The following MIAT variants were observed in gnomAD, a reference collection of about 807,000 sequenced individuals.
MIAT encodes myocardial infarction associated transcript.
At chr22:26,648,622 C>CCATAAGTAG in intron 2 of MIAT, among the ~76,000 whole-genome samples, 1 of 147,064 alleles carries the variant, frequency 6.8e-6, no homozygotes, top group South Asian at 2.2e-4. Context: ...GATACATTTT[C>CCATAAGTAG]AGGTCCTGCC....
At chr22:26,675,728 G>C (rs1931237882) in exon 5 of MIAT, 1 of 398,674 alleles carries the variant, frequency 2.5e-6, no homozygotes, top group East Asian at 3.6e-5. Flanking sequence ...ACAGTCATAG[G>C]CTGCAAGTCT....
chr22:26,665,714 G>C (rs1340052603), exon 4 of MIAT: 1 of 398,536 alleles, frequency 2.5e-6, no homozygotes, highest in Non-Finnish European at 4.4e-6. Flanking sequence ...CAAAGTGGGA[G>C]GGGAAATGGG....
chr22:26,671,441 G>A, downstream of MIAT: 1 of 398,760 alleles, frequency 2.5e-6, no homozygotes, highest in Non-Finnish European at 4.4e-6. Context: ...GCTCAGCCGG[G>A]ACGCTGTGGC....
At chr22:26,673,518 T>A (rs954806712), downstream of MIAT, 1 of 398,696 alleles carries the variant, frequency 2.5e-6, no homozygotes, top group African/African-American at 2.1e-5. Context: ...AACTCCTGCC[T>A]TCCTGGTCTG....
chr22:26,666,551 G>A (rs1930849236), exon 4 of MIAT: 1 of 398,662 alleles, frequency 2.5e-6, no homozygotes, highest in Non-Finnish European at 4.4e-6. Flanking sequence ...CTGGATTCCT[G>A]ACTCTCCGTT....
chr22:26,672,779 A>G (rs1931099811), downstream of MIAT: 1 of 398,670 alleles, frequency 2.5e-6, no homozygotes, highest in African/African-American at 2.1e-5. Flanking sequence ...CCGGAAGTCA[A>G]TGAAGCGGGT....
chr22:26,666,621 T>C, exon 4 of MIAT: 1 of 398,666 alleles, frequency 2.5e-6, no homozygotes. Flanking sequence ...CTGGGTCACA[T>C]TCTGCTGTTG....
chr22:26,675,456 G>C (rs1429334254), exon 5 of MIAT: 3 of 398,654 alleles, frequency 7.5e-6, no homozygotes, highest in Non-Finnish European at 1.3e-5. Flanking sequence ...GGCTTTTCCA[G>C]CCCAGGTGGA....
At chr22:26,654,243 A>G (rs531959297) in intron 2 of MIAT, among the ~76,000 whole-genome samples, 2 of 152,272 alleles carry the variant, frequency 1.3e-5, no homozygotes, top group South Asian at 2.1e-4. Flanking sequence ...TTTGATTATA[A>G]TATCTCTAGA....
intron 2 of MIAT, chr22:26,657,266 C>T (rs1439237371): frequency 5.3e-6 from 2 of 375,012 alleles, no homozygotes; most frequent in Non-Finnish European, 9.5e-6. Context: ...GCGCACCGGC[C>T]AGCTAGCCCC....
At chr22:26,667,433 CGTGT>C (rs1173503890) in intron 5 of MIAT, 1 of 317,574 alleles carries the variant, frequency 3.1e-6, no homozygotes, top group African/African-American at 2.3e-5. Flanking sequence ...TGTATGCGCG[CGTGT>C]GTGTGTATGT....
chr22:26,667,176 T>G, intron 4 of MIAT: 1 of 398,656 alleles, frequency 2.5e-6, no homozygotes, highest in Non-Finnish European at 4.4e-6. Context: ...AGCAAGTCCC[T>G]TCATTCAGCA....
chr22:26,667,347 T>TGTGTGTGTGTGTGTGTGTGTGC, intron 5 of MIAT: 1 of 397,270 alleles, frequency 2.5e-6, no homozygotes, highest in Admixed American at 4.4e-5. Context: ...TGTGTGTGTG[T>TGTGTGTGTGTGTGTGTGTGTGC]GTGTGTGCGT....
chr22:26,656,605 G>T (rs1364993354), intron 2 of MIAT, among the ~76,000 whole-genome samples: 1 of 152,130 alleles, frequency 6.6e-6, no homozygotes, highest in East Asian at 1.9e-4. Flanking sequence ...GGGGTGAGCC[G>T]CCGCGCCTGG....
intron 2 of MIAT, among the ~76,000 whole-genome samples, chr22:26,656,425 A>G (rs1930456465): frequency 6.7e-6 from 1 of 149,084 alleles, no homozygotes; most frequent in Non-Finnish European, 1.5e-5. Context: ...CCCGGGTTCG[A>G]GTGATTCTAG....
chr22:26,661,961 T>TATATATAC (rs1336346956), intron 2 of MIAT, among the ~76,000 whole-genome samples: 47 of 43,784 alleles, frequency 1.1e-3, no homozygotes, highest in Middle Eastern at 0.025. Flanking sequence ...TATATATATA[T>TATATATAC]ACACACACAC....
downstream of MIAT, chr22:26,672,847 G>A (rs1334457891): frequency 5.0e-6 from 2 of 398,476 alleles, no homozygotes; most frequent in Non-Finnish European, 8.8e-6. Flanking sequence ...GTCGGCCAGA[G>A]AAACATTTCT....
Position 26,665,413 on chromosome 22 carries a change from G to T in MIAT, n.730-118G>T, listed in dbSNP as rs192729479. The T allele has an allele frequency of 9.3e-5, 37 of 398,482 alleles. No homozygotes were observed. In the East Asian group the frequency reaches 1.3e-3, roughly 14 times the overall value. The allele number at this position is 398,482 out of a possible 1,614,324, so 24.7% of individuals were successfully genotyped here. On this transcript the variant is annotated intron_variant and non_coding_transcript_variant, in intron 3 of 5. Coordinates refer to ENST00000643270, the Ensembl canonical transcript of MIAT. ...ACCCTCTAAGACGGTGTCAGCTAAA[G>T]GTCCCTTGAAACCTCCATCACCTTA...
At chr22:26,669,470 T>A in exon 6 of MIAT, 1 of 396,560 alleles carries the variant, frequency 2.5e-6, no homozygotes, top group Non-Finnish European at 4.4e-6. Flanking sequence ...ATGAGCAGGC[T>A]CTGGTGTCTC....
Sources: gnomAD v4.1 joint callset for allele counts (sites outside exome capture counted in the v4.1 genomes callset) on GRCh38, gnomAD v4.1.1 for gene constraint, MANE v1.5 for transcripts, NCBI Gene and HGNC (gene_info 2026-07-23, HGNC 2026-07-21) for gene names.